PCDHA1: variants seen among roughly 807,000 people sequenced by gnomAD.
PCDHA1 encodes the protein protocadherin alpha-1.
Under a neutral mutation model 61.3 loss-of-function variants are expected in PCDHA1, and 42 were observed. The observed-to-expected ratio is 0.69, with a 90% confidence interval of 0.54 to 0.89. The LOEUF is 0.89. Among genes scored for constraint, PCDHA1 ranks in the 40% least tolerant of loss-of-function variants. PCDHA1 has a pLI of 0.00. For synonymous variants in PCDHA1, 610 were observed against 553.8 expected (o/e 1.10, Z -1.43); for missense variants, 1,256 against 1,235.3 (o/e 1.02, Z -0.25).
intron 1 of PCDHA1, among the ~76,000 whole-genome samples, chr5:140,950,547 TGGG>T (rs1385873509): frequency 6.6e-6 from 1 of 152,064 alleles, no homozygotes; most frequent in Non-Finnish European, 1.5e-5. Flanking sequence ...CTTGCATGGC[TGGG>T]GGGACACTTA....
chr5:140,949,409 A>G (rs547419161), intron 1 of PCDHA1, among the ~76,000 whole-genome samples: 1 of 151,896 alleles, frequency 6.6e-6, no homozygotes, highest in African/African-American at 2.4e-5. Flanking sequence ...AAAATCACCT[A>G]TCATCATTGT....
intron 1 of PCDHA1, chr5:140,877,460 C>T: frequency 6.2e-7 from 1 of 1,613,840 alleles, no homozygotes; most frequent in Non-Finnish European, 8.5e-7. Context: ...ACGTCCACGG[C>T]CACGGTGCTG....
At chr5:140,948,857 T>C (rs1554218731) in intron 1 of PCDHA1, among the ~76,000 whole-genome samples, 2 of 151,686 alleles carry the variant, frequency 1.3e-5, no homozygotes. Flanking sequence ...TGCCTTCTTA[T>C]ATTACTTCGG....
chr5:140,868,978 C>T, intron 1 of PCDHA1: 2 of 1,484,292 alleles, frequency 1.3e-6, no homozygotes, highest in Non-Finnish European at 1.8e-6. Context: ...CTCCATCATA[C>T]CGGATGCCAC....
At chr5:140,808,515 T>G (rs548657178) in intron 1 of PCDHA1, 3 of 1,614,118 alleles carry the variant, frequency 1.9e-6, no homozygotes, top group Admixed American at 3.3e-5. Context: ...AGTGTTTCTG[T>G]GGAGGTGGCT....
chr5:140,968,597 G>T, intron 1 of PCDHA1: 1 of 1,614,176 alleles, frequency 6.2e-7, no homozygotes, highest in Non-Finnish European at 8.5e-7. Context: ...CATAGCTATG[G>T]ACTCAGACTC....
At chr5:140,883,521 T>C in intron 1 of PCDHA1, 2 of 1,614,202 alleles carry the variant, frequency 1.2e-6, no homozygotes, top group Non-Finnish European at 1.7e-6. Flanking sequence ...CGCGAGAGCG[T>C]ATCAGCCTAT....
intron 1 of PCDHA1, chr5:140,828,420 T>C (rs1554131299): frequency 1.2e-6 from 2 of 1,614,068 alleles, no homozygotes. Context: ...GAGGTGATCG[T>C]GGACAGGCCG....
chr5:140,803,522 C>T (rs1554122864), intron 1 of PCDHA1: 1 of 1,614,246 alleles, frequency 6.2e-7, no homozygotes, highest in South Asian at 1.1e-5. Context: ...TTAGCCCTAG[C>T]CTTCCTCCTT....
At chr5:140,961,591 T>C (rs1280839822) in intron 1 of PCDHA1, among the ~76,000 whole-genome samples, 1 of 152,190 alleles carries the variant, frequency 6.6e-6, no homozygotes, top group African/African-American at 2.4e-5. Flanking sequence ...ATTTTGGCAA[T>C]GATTCTAGTA....
chr5:140,840,702 AT>A (rs1776827167), intron 1 of PCDHA1, among the ~76,000 whole-genome samples: 1 of 152,096 alleles, frequency 6.6e-6, no homozygotes, highest in South Asian at 2.1e-4. Flanking sequence ...GGTTCAGGCA[AT>A]TTGACATTTA....
At chr5:140,858,313 G>C (rs781800844) in intron 1 of PCDHA1, 2 of 1,597,108 alleles carry the variant, frequency 1.3e-6, no homozygotes, top group East Asian at 4.5e-5. Context: ...GGCGGCAGAG[G>C]GTGTGTTCTG....
intron 1 of PCDHA1, among the ~76,000 whole-genome samples, chr5:140,900,751 G>A (rs781973754): frequency 1.3e-5 from 2 of 152,060 alleles, no homozygotes; most frequent in African/African-American, 2.4e-5. Context: ...GGATCACTTG[G>A]TAGCTCTATT....
chr5:140,820,793 G>T (rs889217740), intron 1 of PCDHA1, among the ~76,000 whole-genome samples: 2 of 151,918 alleles, frequency 1.3e-5, no homozygotes, highest in Admixed American at 1.3e-4. Context: ...TAAGTACAAA[G>T]GTATGTATTT....
intron 1 of PCDHA1, chr5:140,968,051 C>T (rs1353005851): frequency 1.2e-6 from 2 of 1,614,018 alleles, no homozygotes; most frequent in African/African-American, 1.3e-5. Flanking sequence ...CCCACTGGAC[C>T]GAGAGCGGGT....
intron 1 of PCDHA1, chr5:140,966,656 G>A: frequency 8.3e-7 from 1 of 1,203,372 alleles, no homozygotes; most frequent in East Asian, 3.0e-5. Flanking sequence ...GTGAGCGGTG[G>A]GGGAGCAGGC....
At chr5:140,968,563 T>G in intron 1 of PCDHA1, 1 of 1,614,204 alleles carries the variant, frequency 6.2e-7, no homozygotes, top group South Asian at 1.1e-5. Context: ...GAACTGCCCC[T>G]GCTGGCTACC....
Position 140,786,171 on chromosome 5 carries a change from A to G in PCDHA1, c.-120A>G, listed in dbSNP as rs1554117295. On this transcript the variant is annotated 5_prime_UTR_variant, in exon 1 of 4. Transcript: ENST00000504120. ...CACTAAAAGTGAAGGAGGAAGCTCC[A>G]TTTTGTCACCGCCTGAGAGAAGACA... The G allele has an allele frequency of 1.1e-5, 15 of 1,344,264 alleles. No homozygotes were observed. Among genetic ancestry groups the G allele is most frequent in the African/African-American group, 1.5e-5 (1 of 68,460 alleles). The allele number at this position is 1,344,264 out of a possible 1,614,324, so 83.3% of individuals were successfully genotyped here.
rs199522530 is a variant in PCDHA1, at chr5:140,786,876, T to C, written c.586T>C (p.Leu196=). 1.1e-5 allele frequency: 18 copies of C among 1,614,054 alleles called. No individual in the cohort carries two copies. Among genetic ancestry groups the C allele is most frequent in the African/African-American group, 5.3e-5 (4 of 74,922 alleles). Reference sequence around the variant, plus strand: ...ACTGAGTAAATCTCTTTGGCTTGAATTGAGAAAATATTTGGATAGAGAAGA... The same window carrying C: ...ACTGAGTAAATCTCTTTGGCTTGAACTGAGAAAATATTTGGATAGAGAAGA... The part of the protein sequence containing the change: ...DELSKSLWLE[L]RKYLDREETP... The change falls in exon 1 of 4, where the codon TTG becomes CTG. Residue 196 remains leucine (L), a synonymous_variant. Transcript: ENST00000504120.
Sources: allele counts gnomAD v4.1 joint callset (sites outside exome capture counted in the v4.1 genomes callset), GRCh38; gene constraint gnomAD v4.1.1; transcripts MANE v1.5; gene names NCBI Gene and HGNC (gene_info 2026-07-23, HGNC 2026-07-21).